Variants in CSTPP1 observed in about 807,000 individuals in gnomAD.
CSTPP1 encodes centriolar satellite-associated tubulin polyglutamylase complex regulator 1.
the CSTPP1 span, among the ~76,000 whole-genome samples, chr11:47,047,621 T>C: frequency 2.6e-5 from 4 of 152,348 alleles, no homozygotes; most frequent in African/African-American, 7.2e-5. Flanking sequence ...ATTTCATGGA[T>C]ATAACACCAA....
At chr11:47,015,952 C>CA in the CSTPP1 span, among the ~76,000 whole-genome samples, 1 of 151,738 alleles carries the variant, frequency 6.6e-6, no homozygotes, top group Non-Finnish European at 1.5e-5. Context: ...ATTCCTGATT[C>CA]AAAAAAACAA....
chr11:47,079,834 C>A, the CSTPP1 span, among the ~76,000 whole-genome samples: 13 of 152,066 alleles, frequency 8.5e-5, no homozygotes, highest in African/African-American at 3.1e-4. Flanking sequence ...TGGCTCACGC[C>A]TGTAATCCCA....
At chr11:47,128,759 T>C in the CSTPP1 span, among the ~76,000 whole-genome samples, 1 of 152,128 alleles carries the variant, frequency 6.6e-6, no homozygotes, top group Admixed American at 6.5e-5. Flanking sequence ...GCTCACAACA[T>C]CCTTATTTTA....
the CSTPP1 span, among the ~76,000 whole-genome samples, chr11:47,018,536 A>C: frequency 6.6e-6 from 1 of 151,722 alleles, no homozygotes; most frequent in African/African-American, 2.4e-5. Context: ...CTCGTGATCC[A>C]CCTGCCTCTG....
chr11:46,944,317 CAAA>C, the CSTPP1 span, among the ~76,000 whole-genome samples: 8 of 77,442 alleles, frequency 1.0e-4, no homozygotes, highest in Non-Finnish European at 1.9e-4. Flanking sequence ...GACTGCTTCT[CAAA>C]AAAAAAAAAA....
the CSTPP1 span, among the ~76,000 whole-genome samples, chr11:47,042,345 G>GT: frequency 0.043 from 5,616 of 131,848 alleles, 137 homozygotes; most frequent in South Asian, 0.13. Context: ...TTTGACTTCT[G>GT]TTTTTTTTTT....
chr11:47,051,040 T>A, the CSTPP1 span, among the ~76,000 whole-genome samples: 6 of 152,218 alleles, frequency 3.9e-5, no homozygotes, highest in African/African-American at 1.4e-4. Context: ...ATGAAGTTGG[T>A]CTAGGAGAAG....
chr11:47,023,076 T>C, the CSTPP1 span, among the ~76,000 whole-genome samples: 1 of 152,194 alleles, frequency 6.6e-6, no homozygotes, highest in Non-Finnish European at 1.5e-5. Flanking sequence ...AACAGGCTTC[T>C]AAGTGATGCT....
the CSTPP1 span, chr11:47,052,488 A>G: frequency 6.2e-7 from 1 of 1,614,032 alleles, no homozygotes. Flanking sequence ...GGCCTTCTGG[A>G]GATGCTTCCG....
the CSTPP1 span, among the ~76,000 whole-genome samples, chr11:47,113,090 G>A: frequency 6.6e-6 from 1 of 152,180 alleles, no homozygotes; most frequent in Admixed American, 6.5e-5. Flanking sequence ...AACATGTGGT[G>A]TTTGGTTTTC....
the CSTPP1 span, chr11:46,987,657 T>C: frequency 5.1e-6 from 1 of 194,862 alleles, no homozygotes; most frequent in Non-Finnish European, 1.1e-5. Context: ...TTTTTTTTCA[T>C]GGCTGGCTTT....
chr11:46,953,732 G>A, the CSTPP1 span, among the ~76,000 whole-genome samples: 1 of 152,166 alleles, frequency 6.6e-6, no homozygotes, highest in Non-Finnish European at 1.5e-5. Context: ...CAATTCATAA[G>A]TAAGAATTTT....
the CSTPP1 span, among the ~76,000 whole-genome samples, chr11:47,098,254 C>T: frequency 7.1e-6 from 1 of 141,712 alleles, no homozygotes; most frequent in Non-Finnish European, 1.5e-5. Context: ...ACTATTGTCC[C>T]ATGACCCTGC....
chr11:47,058,800 C>T, the CSTPP1 span, among the ~76,000 whole-genome samples: 1 of 152,288 alleles, frequency 6.6e-6, no homozygotes, highest in South Asian at 2.1e-4. Context: ...GCCATGAAGT[C>T]TGACTCCAGG....
the CSTPP1 span, among the ~76,000 whole-genome samples, chr11:47,039,363 C>G: frequency 7.8e-6 from 1 of 127,512 alleles, no homozygotes; most frequent in African/African-American, 2.5e-5. Context: ...ACCAGTCAGG[C>G]GTGGCGGCGC....
chr11:47,120,870 T>C, the CSTPP1 span, among the ~76,000 whole-genome samples: 1 of 152,208 alleles, frequency 6.6e-6, no homozygotes, highest in East Asian at 1.9e-4. The surrounding 1 kb of genome is among the most constrained non-coding windows in gnomAD (Gnocchi z 4.2). Context: ...CAATAAATGG[T>C]TTAGAGACAG....
the CSTPP1 span, among the ~76,000 whole-genome samples, chr11:47,014,954 G>A: frequency 6.6e-5 from 10 of 151,992 alleles, no homozygotes; most frequent in Admixed American, 3.9e-4. Flanking sequence ...AAATAAAATC[G>A]GAAAATCATG....
At chr11:47,085,951 C>A in the CSTPP1 span, among the ~76,000 whole-genome samples, 1 of 124,692 alleles carries the variant, frequency 8.0e-6, no homozygotes, top group African/African-American at 3.2e-5. Flanking sequence ...AGAAAGTGTG[C>A]ATGGGGAGGG....
the CSTPP1 span, among the ~76,000 whole-genome samples, chr11:46,956,470 C>G: frequency 2.0e-5 from 3 of 152,136 alleles, no homozygotes; most frequent in Non-Finnish European, 4.4e-5. Context: ...TTAGTGAAGT[C>G]CTACAAAGCC....
Sources: allele counts gnomAD v4.1 joint callset (sites outside exome capture counted in the v4.1 genomes callset), GRCh38; gene constraint gnomAD v4.1.1; non-coding constraint Gnocchi (gnomAD v3.1); transcripts MANE v1.5; gene names NCBI Gene and HGNC (gene_info 2026-07-23, HGNC 2026-07-21).